The following NBPF20 variants were observed in gnomAD, a reference collection of about 807,000 sequenced individuals.
NBPF20 encodes NBPF family member NBPF20.
NBPF20 carries 90 observed loss-of-function variants against 68.1 expected under a neutral mutation model. The ratio of observed to expected loss-of-function variants is 1.32; its 90% CI spans 1.11 to 1.58. NBPF20 has a LOEUF of 1.58. Ranked by LOEUF, NBPF20 falls within the 40% of genes most tolerant of loss-of-function variation. The pLI, the probability that NBPF20 is intolerant of heterozygous loss-of-function variation, is 0.00. For missense variants in NBPF20, 816 were observed against 601.2 expected (o/e 1.36, Z -3.74); for synonymous variants, 290 against 228.1 (o/e 1.27, Z -2.45).
At position 145,292,378 on chromosome 1, in the gene NBPF20, C is replaced by A; in HGVS notation, c.16697+3G>T. 1 of 677,790 alleles carries A rather than the reference C, an allele frequency of 1.5e-6. No individual in the cohort carries two copies. 42.0% of individuals were successfully genotyped at this position (677,790 alleles called of 1,614,324 possible). A position where few individuals can be genotyped will look rare whatever the true frequency, so the allele number is the denominator to read the frequency against. On this transcript the variant is annotated splice_donor_region_variant and intron_variant, in intron 137 of 137. Transcript: ENST00000369373. ...TTAAGCATCCACAATTGCTGAAAGT[C>A]ACCTGGGGCATGGTGGGTTTTGATC...
At chr1:145,422,782 A>C in the NBPF20 span, among the ~76,000 whole-genome samples, 1 of 152,218 alleles carries the variant, frequency 6.6e-6, no homozygotes, top group East Asian at 1.9e-4. Flanking sequence ...TGAGCCCAAG[A>C]GTTTGAGACC....
At chr1:145,338,049 A>T (rs1207965248) in intron 79 of NBPF20, among the ~76,000 whole-genome samples, 48 of 94,358 alleles carry the variant, frequency 5.1e-4, no homozygotes, top group Middle Eastern at 5.9e-3. Context: ...ACACACACAC[A>T]CACAGAGAGA....
intron 7 of NBPF20, among the ~76,000 whole-genome samples, chr1:145,395,702 C>T (rs1231037451): frequency 4.0e-5 from 6 of 148,846 alleles, no homozygotes; most frequent in Non-Finnish European, 7.4e-5. Context: ...CAAGAAATCC[C>T]TGTTTGAGGG....
chr1:145,347,514 G>GACAC (rs1304178205), intron 67 of NBPF20, among the ~76,000 whole-genome samples, 197 bp from the exon 73 acceptor site: 1 of 122 alleles, frequency 8.2e-3, no homozygotes, highest in Non-Finnish European at 0.016. Context: ...AAGACAGATA[G>GACAC]ACACACACAC....
upstream of NBPF20, among the ~76,000 whole-genome samples, chr1:145,410,300 GA>G (rs781998247): frequency 4.6e-5 from 7 of 151,468 alleles, no homozygotes; most frequent in East Asian, 1.4e-3. Flanking sequence ...TATGCTAATT[GA>G]CCATTCATGT....
chr1:145,394,076 G>T, intron 8 of NBPF20, 141 bp from the exon 14 acceptor site: 1 of 661,294 alleles, frequency 1.5e-6, no homozygotes, highest in South Asian at 1.7e-5. Flanking sequence ...TATTCCAGTA[G>T]GCCTGAGGTC....
the NBPF20 span, among the ~76,000 whole-genome samples, chr1:145,419,638 C>T: frequency 6.6e-6 from 1 of 152,014 alleles, no homozygotes; most frequent in Non-Finnish European, 1.5e-5. Flanking sequence ...GACTTCCCTC[C>T]TCGCACTGGC....
At position 145,291,883 on chromosome 1, in the gene NBPF20, C is replaced by A. The variant is rs587755183; in HGVS notation, c.16698-114G>T. 1.3e-5 allele frequency: 21 copies of A among 1,586,132 alleles called. No homozygotes were observed. The Admixed American group carries it at 1.7e-4, about 13-fold the overall frequency. ...GGTTAGAAAAGAAAAAGGATAGATC[C>A]ATTAATGAGGTAAAAAAAAAATTTA... On this transcript the variant is annotated intron_variant, in intron 137 of 137. Coordinates refer to ENST00000369373, the Ensembl canonical transcript of NBPF20.
rs1366066619 is a variant in NBPF20, at chr1:145,289,994, G to GAAGT, written c.*1528_*1531dup. 2.1e-5 allele frequency: 3 copies of GAAGT among 145,964 alleles called. No individual in the cohort carries two copies. Among genetic ancestry groups the GAAGT allele is most frequent in the Admixed American group, 6.8e-5 (1 of 14,784 alleles). The allele number at this position is 145,964 out of a possible 1,614,324, so 9.0% of individuals were successfully genotyped here. A position where few individuals can be genotyped will look rare whatever the true frequency, so the allele number is the denominator to read the frequency against. On this transcript the variant is annotated 3_prime_UTR_variant, in exon 138 of 138. Transcript: ENST00000369373. ...AACACTGAATGTAAAAAACAATCCA[G>GAAGT]AAGTCCAGAGTGATAGGCAAAAGGT...
rs1235266289 is a variant in NBPF20 at position 145,352,341 on chromosome 1, A to G, written c.7350-252T>C. Reference sequence around the variant, plus strand: ...CACACACACACACAGACACACACACACACACAGAGAGAACGAGCTCAGTGA... The same window carrying G: ...CACACACACACACAGACACACACACGCACACAGAGAGAACGAGCTCAGTGA... On this transcript the variant is annotated intron_variant, in intron 61 of 137. Coordinates refer to ENST00000369373, the Ensembl canonical transcript of NBPF20. Among the ~76,000 whole-genome samples, 9 of 88,260 alleles carry G rather than the reference A, an allele frequency of 1.0e-4. 1 individual carries two copies. The highest frequency in any genetic ancestry group is 1.5e-4 in the Non-Finnish European group (6 of 40,266). The allele number at this position is 88,260 out of a possible 152,430, so 57.9% of individuals were successfully genotyped here. A position where few individuals can be genotyped will look rare whatever the true frequency, so the allele number is the denominator to read the frequency against.
intron 2 of NBPF20, 121 bp downstream of exon 7, chr1:145,404,977 C>G: frequency 7.4e-7 from 1 of 1,351,702 alleles, no homozygotes; most frequent in African/African-American, 1.4e-5. Context: ...TTAAAATACC[C>G]ATTTCTGTTT....
chr1:145,291,618 T>A (rs781933065), exon 138 of NBPF20: 2 of 1,611,974 alleles, frequency 1.2e-6, no homozygotes. Context: ...AGGGCGAAGC[T>A]GATGTGCTGT....
In NBPF20 at chr1:145,393,254, A is replaced by T. The variant is rs1469384515; in HGVS notation, c.1044-8T>A. ...AGCAGCTCCCTGCTGAGCCTGGAAA[A>T]GTGGGAAAAAGTAAAGAATAAGCCA... is the stretch of plus-strand genomic sequence containing the variant. On this transcript the variant is annotated splice_polypyrimidine_tract_variant and splice_region_variant and intron_variant, in intron 9 of 137. Coordinates refer to ENST00000369373, the Ensembl canonical transcript of NBPF20. 1.6e-6 allele frequency: 1 copy of T among 637,942 alleles called. No homozygotes were observed. The highest frequency in any genetic ancestry group is 2.1e-5 in the African/African-American group (1 of 48,344). The allele number at this position is 637,942 out of a possible 1,614,324, so 39.5% of individuals were successfully genotyped here. A position where few individuals can be genotyped will look rare whatever the true frequency, so the allele number is the denominator to read the frequency against.
chr1:145,306,310 C>A (rs1661408479), intron 119 of NBPF20, among the ~76,000 whole-genome samples: 1 of 149,244 alleles, frequency 6.7e-6, no homozygotes, highest in Admixed American at 6.7e-5. Flanking sequence ...GACACACACA[C>A]ACACACAGAG....
chr1:145,338,054 G>C (rs1463466540), intron 79 of NBPF20, among the ~76,000 whole-genome samples: 25,411 of 71,192 alleles, frequency 0.36, 2,684 homozygotes, highest in Admixed American at 0.4. Context: ...CACACACACA[G>C]AGAGAGAGAG....
chr1:145,342,806 C>A lies in NBPF20; in HGVS notation c.8814-247G>T, dbSNP rs1474323900. On this transcript the variant is annotated intron_variant, in intron 73 of 137. Coordinates refer to ENST00000369373, the Ensembl canonical transcript of NBPF20. The stretch of plus-strand genomic sequence containing the variant: ...ACACACACACACACAGACACACACA[C>A]ACACACAGAGAGAACGAGCTCAGTG... Among the ~76,000 whole-genome samples, 497 of 115,936 alleles carry A rather than the reference C, an allele frequency of 4.3e-3. 37 individuals are homozygous for A. Among genetic ancestry groups the A allele is most frequent in the African/African-American group, 0.017 (464 of 27,464 alleles). The allele number at this position is 115,936 out of a possible 152,430, so 76.1% of individuals were successfully genotyped here. A position where few individuals can be genotyped will look rare whatever the true frequency, so the allele number is the denominator to read the frequency against.
chr1:145,402,425 G>A, intron 3 of NBPF20, 44 bp from the exon 9 acceptor site: 1 of 1,601,452 alleles, frequency 6.2e-7, no homozygotes, highest in South Asian at 1.1e-5. Context: ...GAAAGGTTCA[G>A]TGATCCGCTC....
At chr1:145,292,473 C>A in exon 137 of NBPF20, 3 of 717,562 alleles carry the variant, frequency 4.2e-6, no homozygotes, top group East Asian at 2.5e-5. Context: ...TCTTCCCCTT[C>A]CCCTTCTTTT....
Position 145,294,796 on chromosome 1 carries a change from GC to G in NBPF20, c.16348del (p.Ala5450LeufsTer31). 1 of 251,696 alleles carries G rather than the reference GC, an allele frequency of 4.0e-6. No homozygotes were observed. Among genetic ancestry groups the G allele is most frequent in the South Asian group, 2.6e-5 (1 of 38,732 alleles). The allele number at this position is 251,696 out of a possible 1,614,324, so 15.6% of individuals were successfully genotyped here. A position where few individuals can be genotyped will look rare whatever the true frequency, so the allele number is the denominator to read the frequency against. On this transcript the variant is annotated frameshift_variant, in exon 134 of 138. Transcript: ENST00000369373. LOFTEE classifies it high-confidence loss of function. ...AAGGTACTCACTGTCCACGTCAAGA[GC>G]CAAGCCAAGGTACTGTTCCTCCAAT...
Sources: gnomAD v4.1 joint callset for allele counts (sites outside exome capture counted in the v4.1 genomes callset) on GRCh38, gnomAD v4.1.1 for gene constraint, MANE v1.5 for transcripts, NCBI Gene and HGNC (gene_info 2026-07-23, HGNC 2026-07-21) for gene names.